Variants in URI1 observed in about 807,000 individuals in gnomAD.
URI1 encodes the protein URI1 prefoldin like chaperone, also known as unconventional prefoldin RPB5 interactor 1.
URI1 carries 39 observed loss-of-function variants against 60.2 expected under a neutral mutation model. That is an observed-to-expected ratio of 0.65 (90% CI 0.50 to 0.85). URI1 has a LOEUF of 0.85. Ranked by LOEUF, URI1 falls within the 40% of genes least tolerant of loss-of-function variation. The pLI is 0.00. For synonymous variants in URI1, 251 were observed against 236.8 expected, an observed-to-expected ratio of 1.06 and a Z score of -0.55; for missense variants, 691 against 665.9, an observed-to-expected ratio of 1.04 and a Z score of -0.42.
chr19:29,989,561 T>G (rs2055718679), intron 4 of URI1, among the ~76,000 whole-genome samples: 4 of 151,664 alleles, frequency 2.6e-5, no homozygotes, highest in African/African-American at 9.7e-5. Flanking sequence ...TAGCTGAGAT[T>G]ACAGGTGCGT....
intron 1 of URI1, chr19:29,956,481 C>G: frequency 6.3e-7 from 1 of 1,590,672 alleles, no homozygotes; most frequent in Non-Finnish European, 8.5e-7. Context: ...TCCTGATATC[C>G]TTGTTTTTAA....
chr19:29,963,600 G>A (rs1407669223), intron 1 of URI1, among the ~76,000 whole-genome samples: 1 of 151,596 alleles, frequency 6.6e-6, no homozygotes, highest in Non-Finnish European at 1.5e-5. Context: ...TTTTTCTTTT[G>A]ACTTTTGGTC....
chr19:30,005,315 C>T (rs747390548), intron 4 of URI1, 46 bp from the exon 5 acceptor site: 15 of 1,089,400 alleles, frequency 1.4e-5, no homozygotes, highest in East Asian at 7.4e-5. Context: ...TCCTACAGGT[C>T]GTATATATGC....
intron 1 of URI1, among the ~76,000 whole-genome samples, chr19:29,924,696 A>C (rs2054850751): frequency 6.6e-6 from 1 of 152,192 alleles, no homozygotes; most frequent in African/African-American, 2.4e-5. Context: ...TGTGTTGCAC[A>C]GATGCAACAG....
intron 1 of URI1, among the ~76,000 whole-genome samples, chr19:29,968,030 T>TA (rs749144460): frequency 8.0e-4 from 122 of 152,320 alleles, no homozygotes; most frequent in Non-Finnish European, 1.5e-3. Context: ...GGGTTGTTGG[T>TA]AAAGACTCCT....
intron 1 of URI1, among the ~76,000 whole-genome samples, chr19:29,967,469 C>G (rs1468644659): frequency 6.6e-6 from 1 of 152,186 alleles, no homozygotes; most frequent in Admixed American, 6.5e-5. Context: ...TGTGTTTATA[C>G]TTGTTTCATC....
intron 4 of URI1, among the ~76,000 whole-genome samples, chr19:29,998,870 C>CT (rs202028318): frequency 1.8e-4 from 27 of 151,306 alleles, no homozygotes; most frequent in East Asian, 1.6e-3. Flanking sequence ...TGTTTTATAG[C>CT]TTTTTTTTGA....
intron 1 of URI1, among the ~76,000 whole-genome samples, chr19:29,928,303 G>T (rs534687762): frequency 2.2e-4 from 33 of 152,052 alleles, no homozygotes; most frequent in African/African-American, 7.0e-4. Context: ...ACTTCCCACC[G>T]CCCAGGTCAC....
intron 4 of URI1, among the ~76,000 whole-genome samples, chr19:29,991,112 T>G (rs1400987815): frequency 2.0e-5 from 3 of 152,164 alleles, no homozygotes; most frequent in African/African-American, 7.2e-5. Flanking sequence ...TCCATATACA[T>G]TTTAGAAACC....
intron 1 of URI1, among the ~76,000 whole-genome samples, chr19:29,954,216 T>G (rs756806075): frequency 6.6e-6 from 1 of 152,240 alleles, no homozygotes; most frequent in Non-Finnish European, 1.5e-5. Context: ...TGAAGTAAAG[T>G]TCAAAATGTC....
intron 8 of URI1, among the ~76,000 whole-genome samples, chr19:30,010,818 T>G (rs564465718): frequency 1.3e-5 from 2 of 152,312 alleles, no homozygotes; most frequent in South Asian, 4.1e-4. Context: ...TTATAAGAAA[T>G]CTAGCATTTA....
At chr19:29,965,497 TTCA>T (rs2055381386) in intron 1 of URI1, among the ~76,000 whole-genome samples, 1 of 152,220 alleles carries the variant, frequency 6.6e-6, no homozygotes, top group African/African-American at 2.4e-5. Flanking sequence ...TTATGGCATA[TTCA>T]TTGTTGACAA....
intron 1 of URI1, among the ~76,000 whole-genome samples, chr19:29,955,205 C>G (rs2055230011): frequency 1.3e-5 from 2 of 151,644 alleles, no homozygotes; most frequent in South Asian, 4.2e-4. Context: ...ACCTCGTGAT[C>G]CGCCTGCCTC....
intron 10 of URI1, 191 bp downstream of exon 10, chr19:30,012,722 A>T: frequency 1.5e-6 from 1 of 661,662 alleles, no homozygotes; most frequent in African/African-American, 1.8e-5. Context: ...TTTGATAAAC[A>T]CATTACTTGT....
chr19:29,974,250 A>G (rs1310704870), intron 2 of URI1, among the ~76,000 whole-genome samples: 1 of 152,132 alleles, frequency 6.6e-6, no homozygotes, highest in East Asian at 1.9e-4. Flanking sequence ...GCACTCAATA[A>G]GTATTAATAG....
intron 1 of URI1, among the ~76,000 whole-genome samples, chr19:29,957,343 C>A (rs1358989919): frequency 7.2e-6 from 1 of 139,114 alleles, no homozygotes. Flanking sequence ...GAACTGGATG[C>A]CAGATATTGT....
intron 2 of URI1, 37 bp downstream of exon 2, chr19:29,971,264 C>T (rs1290128518): frequency 1.9e-6 from 3 of 1,604,810 alleles, no homozygotes; most frequent in Non-Finnish European, 8.5e-7. Flanking sequence ...TTCTGAAATA[C>T]TGATGGGGTA....
At chr19:29,938,121 T>C (rs1031189640), upstream of URI1, 1 of 151,988 alleles carries the variant, frequency 6.6e-6, no homozygotes, top group Non-Finnish European at 1.5e-5. Context: ...GCTCCCAAAG[T>C]TTTGGGATTA....
At chr19:29,970,738 G>C (rs2055448446) in intron 1 of URI1, among the ~76,000 whole-genome samples, 1 of 151,966 alleles carries the variant, frequency 6.6e-6, no homozygotes, top group Non-Finnish European at 1.5e-5. Context: ...AATTACAGGT[G>C]AAAATGTTTG....
Sources: allele counts gnomAD v4.1 joint callset (sites outside exome capture counted in the v4.1 genomes callset), GRCh38; gene constraint gnomAD v4.1.1; transcripts MANE v1.5; gene names NCBI Gene and HGNC (gene_info 2026-07-23, HGNC 2026-07-21).